Variants in ST8SIA1 observed in about 807,000 individuals in gnomAD.
ST8SIA1 encodes the protein alpha-N-acetylneuraminide alpha-2,8-sialyltransferase.
In ST8SIA1, 16 loss-of-function variants were observed where a neutral mutation model predicts 35.9. The observed-to-expected ratio is 0.45, with a 90% CI of 0.30 to 0.68. The LOEUF is 0.68. Among genes scored for constraint, ST8SIA1 ranks in the 30% least tolerant of loss-of-function variants. The pLI, the probability that ST8SIA1 is intolerant of heterozygous loss-of-function variation, is 0.09. For missense variants in ST8SIA1, 383 were observed against 453.6 expected (o/e 0.84, Z 1.41); for synonymous variants, 170 against 169.6 (o/e 1.00, Z -0.02).
At chr12:22,277,423 G>A (rs1865982268) in intron 2 of ST8SIA1, among the ~76,000 whole-genome samples, 1 of 147,562 alleles carries the variant, frequency 6.8e-6, no homozygotes, top group Non-Finnish European at 1.5e-5. Context: ...CTGGAGTGCA[G>A]TGGTGTGATT....
chr12:22,301,152 A>G (rs1388762328), intron 1 of ST8SIA1, among the ~76,000 whole-genome samples: 4 of 152,000 alleles, frequency 2.6e-5, no homozygotes, highest in East Asian at 1.9e-4. Flanking sequence ...ATGGACAATT[A>G]TTGTCTTGTT....
chr12:22,293,319 G>A (rs1866202180), intron 1 of ST8SIA1, among the ~76,000 whole-genome samples: 1 of 152,204 alleles, frequency 6.6e-6, no homozygotes, highest in African/African-American at 2.4e-5. Flanking sequence ...ACATCCAAAT[G>A]TTGACTTTGA....
intron 1 of ST8SIA1, among the ~76,000 whole-genome samples, chr12:22,331,811 A>T (rs1014073311): frequency 1.3e-5 from 2 of 152,166 alleles, no homozygotes; most frequent in Admixed American, 1.3e-4. Context: ...TTTACCTGTA[A>T]ATCTGGCAGG....
chr12:22,290,361 G>C (rs927701846), intron 1 of ST8SIA1, among the ~76,000 whole-genome samples: 1 of 152,160 alleles, frequency 6.6e-6, no homozygotes, highest in Non-Finnish European at 1.5e-5. Context: ...GCAAAAACAG[G>C]AATAGTACTA....
At chr12:22,277,955 A>G (rs1865990608) in intron 2 of ST8SIA1, among the ~76,000 whole-genome samples, 1 of 152,218 alleles carries the variant, frequency 6.6e-6, no homozygotes, top group Non-Finnish European at 1.5e-5. Flanking sequence ...CATTGAGGAC[A>G]GTATCCAATA....
At chr12:22,321,035 AG>A (rs63041261) in intron 1 of ST8SIA1, among the ~76,000 whole-genome samples, 6,487 of 95,680 alleles carry the variant, frequency 0.068, 311 homozygotes, top group East Asian at 0.13. Context: ...AGAAAGAAAG[AG>A]AAAGAGAAAG....
chr12:22,287,297 G>T lies in ST8SIA1; in HGVS notation c.237-4C>A. On this transcript the variant is annotated splice_region_variant and splice_polypyrimidine_tract_variant and intron_variant, in intron 1 of 4. Transcript: ENST00000396037. ...GCAGCAGTCTTCCATTTGTTTCCTA[G>T]GAGAGAAAACAGAGAGAGAGAAAAG... is the stretch of plus-strand genomic sequence containing the variant. The T allele has an allele frequency of 6.2e-7, 1 of 1,609,796 alleles. No homozygotes were observed. The highest frequency in any genetic ancestry group is 8.5e-7 in the Non-Finnish European group (1 of 1,178,204).
chr12:22,232,358 G>A (rs977164166), intron 4 of ST8SIA1, among the ~76,000 whole-genome samples: 9 of 152,146 alleles, frequency 5.9e-5, no homozygotes, highest in African/African-American at 2.2e-4. Flanking sequence ...CCGTAATTTA[G>A]CAGTGGATTT....
chr12:22,282,207 G>T (rs1194984728), intron 2 of ST8SIA1, among the ~76,000 whole-genome samples: 1 of 152,034 alleles, frequency 6.6e-6, no homozygotes, highest in African/African-American at 2.4e-5. Context: ...GACAGGCCAG[G>T]TTTCACATCC....
At chr12:22,293,225 T>G (rs1866200863) in intron 1 of ST8SIA1, among the ~76,000 whole-genome samples, 1 of 152,244 alleles carries the variant, frequency 6.6e-6, no homozygotes, top group African/African-American at 2.4e-5. Flanking sequence ...TCTGTAGGAC[T>G]GCAGACACGC....
chr12:22,321,542 G>C (rs2728824), intron 1 of ST8SIA1, among the ~76,000 whole-genome samples: 69,488 of 152,084 alleles, frequency 0.46, 17,260 homozygotes, highest in African/African-American at 0.64. Context: ...GCAGGCGGAG[G>C]TGGTAGACGC....
At chr12:22,293,218 G>A (rs1338558060) in intron 1 of ST8SIA1, among the ~76,000 whole-genome samples, 1 of 152,238 alleles carries the variant, frequency 6.6e-6, no homozygotes, top group Non-Finnish European at 1.5e-5. Flanking sequence ...AGGCATGTCT[G>A]TAGGACTGCA....
At chr12:22,217,091 T>C (rs117612545) in intron 4 of ST8SIA1, among the ~76,000 whole-genome samples, 135 of 152,308 alleles carry the variant, frequency 8.9e-4, no homozygotes, top group Non-Finnish European at 1.5e-3. Flanking sequence ...ACATCAACCT[T>C]TCCACAAATC....
chr12:22,326,182 T>C, intron 1 of ST8SIA1: 1 of 333,858 alleles, frequency 3.0e-6, no homozygotes, highest in Non-Finnish European at 5.4e-6. Flanking sequence ...AGGGACCACG[T>C]TCTTGTATTC....
intron 2 of ST8SIA1, among the ~76,000 whole-genome samples, chr12:22,277,146 A>G (rs1476819991): frequency 2.0e-5 from 3 of 152,164 alleles, no homozygotes; most frequent in Non-Finnish European, 4.4e-5. Flanking sequence ...TTAATAATAA[A>G]ACGCAACAGC....
At chr12:22,257,487 GTGC>G (rs1427683418) in intron 2 of ST8SIA1, among the ~76,000 whole-genome samples, 1 of 149,700 alleles carries the variant, frequency 6.7e-6, no homozygotes, top group Non-Finnish European at 1.5e-5. Context: ...TCCTCCCAAA[GTGC>G]TGGGATTACA....
intron 1 of ST8SIA1, among the ~76,000 whole-genome samples, chr12:22,303,676 G>T (rs530574017): frequency 5.7e-4 from 86 of 151,892 alleles, no homozygotes; most frequent in Non-Finnish European, 9.4e-4. Flanking sequence ...AACTTTTTTT[G>T]TTGTTGTTGT....
At chr12:22,262,541 T>C (rs1270712827) in intron 2 of ST8SIA1, among the ~76,000 whole-genome samples, 1 of 152,230 alleles carries the variant, frequency 6.6e-6, no homozygotes, top group Non-Finnish European at 1.5e-5. Context: ...ATGTCTTGAA[T>C]GATAATTGTG....
chr12:22,196,881 T>A lies in ST8SIA1; in HGVS notation c.*4671A>T, dbSNP rs1170538696. 1 of 152,254 alleles carries A rather than the reference T, an allele frequency of 6.6e-6. No homozygotes were observed. The highest frequency in any genetic ancestry group is 2.4e-5 in the African/African-American group (1 of 41,448). The allele number at this position is 152,254 out of a possible 1,614,324, so 9.4% of individuals were successfully genotyped here. A position where few individuals can be genotyped will look rare whatever the true frequency, so the allele number is the denominator to read the frequency against. ...CACACTACCTCTCTAGTCACAATGC[T>A]ACTAGCTCAACTCTGGAGCCAAGGC... is the stretch of plus-strand genomic sequence containing the variant. On this transcript the variant is annotated 3_prime_UTR_variant, in exon 5 of 5. Coordinates refer to ENST00000396037, the MANE Select transcript of ST8SIA1 (RefSeq NM_003034.4).
Sources: gnomAD v4.1 joint callset for allele counts (sites outside exome capture counted in the v4.1 genomes callset) on GRCh38, gnomAD v4.1.1 for gene constraint, MANE v1.5 for transcripts, NCBI Gene and HGNC (gene_info 2026-07-23, HGNC 2026-07-21) for gene names.